CELF2: variants seen among roughly 807,000 people sequenced by gnomAD.
CELF2 encodes the protein CUGBP Elav-like family member 2, also known as CUG triplet repeat RNA-binding protein 2.
Under a neutral mutation model 62.6 loss-of-function variants are expected in CELF2, and 8 were observed. The observed-to-expected ratio is 0.13, with a 90% confidence interval of 0.07 to 0.23. The LOEUF (loss-of-function observed/expected upper bound fraction) is 0.23, where lower values mean the gene tolerates loss of function less well. CELF2 is among the 10% of genes least tolerant of loss of function. The pLI is 1.00. For synonymous variants in CELF2, 258 were observed against 250.0 expected, an observed-to-expected ratio of 1.03 and a Z score of -0.30; for missense variants, 333 against 671.0, an observed-to-expected ratio of 0.50 and a Z score of 5.56.
rs115892140 is a variant in CELF2, at chr10:11,079,257, C to T, written c.74+61094C>T. Among the ~76,000 whole-genome samples the T allele has an allele frequency of 7.4e-3, 1,127 of 152,236 alleles. 9 individuals carry two copies. Among genetic ancestry groups the T allele is most frequent in the African/African-American group, 0.025 (1,022 of 41,516 alleles). ...CTTACCTGAACTAAAGTCCTCTCAC[C>T]TAAATGAACTCTTATTCTAAAATAG... On this transcript the variant is annotated intron_variant, in intron 1 of 12. Coordinates refer to ENST00000633077, the MANE Select transcript of CELF2 (RefSeq NM_001326342.2).
intron 1 of CELF2, among the ~76,000 whole-genome samples, chr10:11,161,548 T>C (rs576850314): frequency 2.6e-4 from 40 of 152,242 alleles, no homozygotes; most frequent in Non-Finnish European, 4.4e-4. Context: ...CTGACTCTCA[T>C]TGGGTTCATC....
chr10:10,568,058 G>A, the CELF2 span, among the ~76,000 whole-genome samples: 1 of 152,078 alleles, frequency 6.6e-6, no homozygotes, highest in Non-Finnish European at 1.5e-5. Context: ...AATAATTACA[G>A]GGTGTAAGTA....
intron 2 of CELF2, chr10:10,922,766 C>T (rs2065043099): frequency 6.6e-6 from 1 of 152,198 alleles, no homozygotes; most frequent in South Asian, 2.1e-4. Flanking sequence ...ATTCTAACTG[C>T]AATTTGCAAT....
chr10:11,109,368 G>A (rs2054504823), intron 1 of CELF2, among the ~76,000 whole-genome samples: 1 of 152,124 alleles, frequency 6.6e-6, no homozygotes, highest in Non-Finnish European at 1.5e-5. Context: ...GGGCATCATG[G>A]GTAAAGGCCT....
At chr10:10,773,282 A>G in the CELF2 span, among the ~76,000 whole-genome samples, 1 of 152,208 alleles carries the variant, frequency 6.6e-6, no homozygotes, top group Non-Finnish European at 1.5e-5. Context: ...ACATCCCATC[A>G]CTGTAGGCGT....
the CELF2 span, among the ~76,000 whole-genome samples, chr10:10,517,024 G>A: frequency 6.6e-6 from 1 of 152,192 alleles, no homozygotes. Context: ...GGATGTTGCA[G>A]CTACTAGAAG....
chr10:11,090,644 T>G (rs968835427), intron 1 of CELF2, among the ~76,000 whole-genome samples: 21 of 152,162 alleles, frequency 1.4e-4, no homozygotes, highest in Admixed American at 5.2e-4. Context: ...AATAAGAGAA[T>G]AGGTAAAGAT....
At chr10:10,967,432 T>C (rs2050239506) in intron 2 of CELF2, among the ~76,000 whole-genome samples, 4 of 152,210 alleles carry the variant, frequency 2.6e-5, no homozygotes, top group Admixed American at 2.6e-4. Context: ...AATTACAGAC[T>C]GTGTTAGTCC....
At chr10:10,836,381 T>C (rs992421489) in intron 1 of CELF2, among the ~76,000 whole-genome samples, 1 of 152,160 alleles carries the variant, frequency 6.6e-6, no homozygotes, top group Non-Finnish European at 1.5e-5. Flanking sequence ...AAGCAATCAA[T>C]AGCAGTGTTA....
the CELF2 span, among the ~76,000 whole-genome samples, chr10:10,721,877 AG>A: frequency 6.6e-6 from 1 of 152,234 alleles, no homozygotes; most frequent in Non-Finnish European, 1.5e-5. Context: ...CAATGGGTTC[AG>A]GGTTTGAGGA....
chr10:11,142,509 C>G (rs1413320394), intron 1 of CELF2, among the ~76,000 whole-genome samples: 1 of 151,810 alleles, frequency 6.6e-6, no homozygotes, highest in Admixed American at 6.6e-5. Context: ...ACAGTGAAAC[C>G]CCATCTCTAC....
the CELF2 span, among the ~76,000 whole-genome samples, chr10:10,648,287 C>A: frequency 4.6e-5 from 7 of 152,246 alleles, no homozygotes; most frequent in African/African-American, 1.7e-4. Flanking sequence ...GTACCAGTAT[C>A]CCTGGATAGT....
chr10:11,263,444 T>G (rs1257078694), intron 5 of CELF2, among the ~76,000 whole-genome samples: 1 of 152,170 alleles, frequency 6.6e-6, no homozygotes, highest in African/African-American at 2.4e-5. Flanking sequence ...CCTGTATATT[T>G]TCCCCCCAGC....
chr10:11,170,371 A>C (rs2068470577), intron 2 of CELF2, among the ~76,000 whole-genome samples: 1 of 152,212 alleles, frequency 6.6e-6, no homozygotes. Flanking sequence ...GAAGACTTAA[A>C]AGGAATGGAA....
chr10:10,951,400 G>A (rs1001465879), intron 2 of CELF2, among the ~76,000 whole-genome samples: 5 of 152,120 alleles, frequency 3.3e-5, no homozygotes, highest in African/African-American at 9.7e-5. Context: ...GCCTCCTGGA[G>A]CACTGAGATT....
rs200634057 is a variant in CELF2, at chr10:11,165,446, G to A, written c.75-40G>A. On this transcript the variant is annotated intron_variant, in intron 1 of 12. Coordinates refer to ENST00000633077, the MANE Select transcript of CELF2 (RefSeq NM_001326342.2). This position sits in a 1 kb window ranked among gnomAD's most constrained non-coding sequence, Gnocchi z 7.4. The stretch of plus-strand genomic sequence containing the variant: ...CTATTTTTTCTTCCTGTCCCTCATC[G>A]TGCCGCCCTAACTCTGGCTCCCGGT... 8 of 1,565,254 alleles carry A rather than the reference G, an allele frequency of 5.1e-6. No homozygotes were observed. Among genetic ancestry groups the A allele is most frequent in the African/African-American group, 1.4e-5 (1 of 72,400 alleles).
chr10:10,683,993 T>G, the CELF2 span, among the ~76,000 whole-genome samples: 2 of 152,108 alleles, frequency 1.3e-5, no homozygotes, highest in South Asian at 2.1e-4. Context: ...CTTTAGGGAC[T>G]CCTACTCCCA....
At chr10:10,656,907 G>T in the CELF2 span, among the ~76,000 whole-genome samples, 1 of 140,940 alleles carries the variant, frequency 7.1e-6, no homozygotes, top group African/African-American at 2.6e-5. Flanking sequence ...ACTTGCACAT[G>T]GTAGAATCAA....
chr10:11,228,962 C>T (rs1347790448), intron 3 of CELF2, among the ~76,000 whole-genome samples: 2 of 152,118 alleles, frequency 1.3e-5, no homozygotes, highest in Non-Finnish European at 2.9e-5. Flanking sequence ...TGTGGGTCAA[C>T]AGAGGAAGAA....
Sources: gnomAD v4.1 joint callset for allele counts (sites outside exome capture counted in the v4.1 genomes callset) on GRCh38, gnomAD v4.1.1 for gene constraint, Gnocchi (gnomAD v3.1) non-coding constraint, MANE v1.5 for transcripts, NCBI Gene and HGNC (gene_info 2026-07-23, HGNC 2026-07-21) for gene names.